TMEFF1: variants seen among roughly 807,000 people sequenced by gnomAD.
The protein encoded by TMEFF1 is transmembrane protein with EGF like and two follistatin like domains 1, also known as tomoregulin-1.
A neutral mutation model predicts 47.5 loss-of-function variants in TMEFF1; 20 were observed. The observed-to-expected ratio is 0.42, with a 90% CI of 0.30 to 0.61. The LOEUF is 0.61. Among genes scored for constraint, TMEFF1 ranks in the 20% least tolerant of loss-of-function variants. The pLI is 0.19. For missense variants in TMEFF1, 411 were observed against 471.1 expected (o/e 0.87, Z 1.18); for synonymous variants, 162 against 166.3 (o/e 0.97, Z 0.20).
intron 6 of TMEFF1, among the ~76,000 whole-genome samples, 158 bp downstream of exon 6, chr9:100,548,050 G>GT (rs970902064): frequency 2.2e-4 from 33 of 151,272 alleles, no homozygotes; most frequent in African/African-American, 4.8e-4. Context: ...TACTAATTTA[G>GT]TTTTTTTTCA....
chr9:100,524,500 A>G (rs1838221050), intron 5 of TMEFF1, among the ~76,000 whole-genome samples: 1 of 152,216 alleles, frequency 6.6e-6, no homozygotes, highest in African/African-American at 2.4e-5. Flanking sequence ...GGACAAAGCC[A>G]TGAGTATTGG....
intron 1 of TMEFF1, among the ~76,000 whole-genome samples, chr9:100,490,381 A>C (rs1416936848): frequency 6.6e-6 from 1 of 152,218 alleles, no homozygotes; most frequent in Non-Finnish European, 1.5e-5. Context: ...ACTTGAAGTC[A>C]ACATTTGCTA....
At chr9:100,540,320 C>T (rs1838604734) in intron 5 of TMEFF1, among the ~76,000 whole-genome samples, 1 of 152,236 alleles carries the variant, frequency 6.6e-6, no homozygotes, top group Non-Finnish European at 1.5e-5. Flanking sequence ...AATCCTTTAG[C>T]TAGACAGAAA....
intron 7 of TMEFF1, among the ~76,000 whole-genome samples, chr9:100,557,415 A>G (rs1015908616): frequency 6.6e-6 from 1 of 152,110 alleles, no homozygotes. Context: ...TGAAGAAAAC[A>G]TGTCTCACCT....
At chr9:100,564,031 A>T (rs962800368) in intron 8 of TMEFF1, among the ~76,000 whole-genome samples, 3 of 152,078 alleles carry the variant, frequency 2.0e-5, no homozygotes, top group African/African-American at 7.2e-5. Context: ...CCACAGTCCT[A>T]TTGTTAGGTT....
chr9:100,540,338 C>G (rs1236212374), intron 5 of TMEFF1, among the ~76,000 whole-genome samples: 1 of 152,238 alleles, frequency 6.6e-6, no homozygotes, highest in African/African-American at 2.4e-5. Flanking sequence ...AAAAGTTCTC[C>G]AAGTCCCCAC....
intron 7 of TMEFF1, among the ~76,000 whole-genome samples, chr9:100,560,424 T>G (rs1838994138): frequency 6.6e-6 from 1 of 152,172 alleles, no homozygotes; most frequent in Non-Finnish European, 1.5e-5. Context: ...TTCCTGCACA[T>G]GGACAGGCCT....
chr9:100,545,755 G>C (rs1260591047), intron 5 of TMEFF1, among the ~76,000 whole-genome samples: 1 of 152,138 alleles, frequency 6.6e-6, no homozygotes, highest in African/African-American at 2.4e-5. Flanking sequence ...TAGCACCCAA[G>C]TCACCTCTTG....
At chr9:100,539,634 C>T (rs1838589036) in intron 5 of TMEFF1, among the ~76,000 whole-genome samples, 1 of 152,120 alleles carries the variant, frequency 6.6e-6, no homozygotes, top group Non-Finnish European at 1.5e-5. Context: ...GTGAGTGTTA[C>T]AGCTCATAAA....
intron 3 of TMEFF1, 147 bp downstream of exon 3, chr9:100,509,281 T>A: frequency 8.3e-7 from 1 of 1,211,722 alleles, no homozygotes; most frequent in Non-Finnish European, 1.1e-6. Context: ...TTTTTTGCCC[T>A]CATTTCAGGT....
intron 1 of TMEFF1, among the ~76,000 whole-genome samples, chr9:100,482,389 G>C (rs925958917): frequency 6.6e-5 from 10 of 151,412 alleles, no homozygotes; most frequent in Admixed American, 6.6e-4. Flanking sequence ...GTAGAGACGG[G>C]TTTTCACCAT....
chr9:100,474,476 G>A (rs1837185805), intron 1 of TMEFF1, among the ~76,000 whole-genome samples: 1 of 152,022 alleles, frequency 6.6e-6, no homozygotes. Flanking sequence ...TGAAGCCTGG[G>A]GCTCAGTTAG....
At chr9:100,549,969 AC>A in intron 6 of TMEFF1, 125 bp from the exon 7 acceptor site, 1 of 1,102,732 alleles carries the variant, frequency 9.1e-7, no homozygotes, top group Non-Finnish European at 1.2e-6. Context: ...AGAATGGTAG[AC>A]AACATGAGCA....
At chr9:100,476,743 C>T (rs1465675675) in intron 1 of TMEFF1, among the ~76,000 whole-genome samples, 1 of 144,472 alleles carries the variant, frequency 6.9e-6, no homozygotes, top group Non-Finnish European at 1.5e-5. Flanking sequence ...GTCACCCAGG[C>T]TGGAGTGCAG....
At chr9:100,493,024 G>T (rs1837584134) in intron 1 of TMEFF1, among the ~76,000 whole-genome samples, 1 of 152,140 alleles carries the variant, frequency 6.6e-6, no homozygotes, top group Non-Finnish European at 1.5e-5. Flanking sequence ...GATGTAAAGT[G>T]TTTGCTTTCC....
In TMEFF1 at chr9:100,564,988, G is replaced by A. The variant is rs191006899; in HGVS notation, c.899+3468G>A. Among the ~76,000 whole-genome samples, 18 of 152,190 alleles carry A rather than the reference G, an allele frequency of 1.2e-4. No homozygotes were observed. In the East Asian group the frequency reaches 3.5e-3, roughly 29 times the overall value. ...AGTCAGGAGAGTCTCCTGGCTTTCTGGCTAACACAGGATTGAGTGGGAAAT... is the reference window on the plus strand; with the variant it reads ...AGTCAGGAGAGTCTCCTGGCTTTCTAGCTAACACAGGATTGAGTGGGAAAT... On this transcript the variant is annotated intron_variant, in intron 8 of 9. Coordinates refer to ENST00000374879, the MANE Select transcript of TMEFF1 (RefSeq NM_003692.5).
chr9:100,508,271 A>C (rs1485096172), intron 2 of TMEFF1, among the ~76,000 whole-genome samples: 1 of 152,072 alleles, frequency 6.6e-6, no homozygotes, highest in Non-Finnish European at 1.5e-5. Flanking sequence ...GATATTTCTA[A>C]CATGTAGATG....
intron 9 of TMEFF1, among the ~76,000 whole-genome samples, chr9:100,575,839 A>G (rs2118591653): frequency 6.6e-6 from 1 of 152,040 alleles, no homozygotes; most frequent in East Asian, 1.9e-4. Context: ...TCTAGTGTGC[A>G]GGCACAAGAG....
intron 5 of TMEFF1, among the ~76,000 whole-genome samples, chr9:100,545,346 T>C (rs960057014): frequency 2.0e-5 from 3 of 152,198 alleles, no homozygotes; most frequent in African/African-American, 7.2e-5. Context: ...ACCTGCAGGC[T>C]TAACACCATG....
Sources: gnomAD v4.1 joint callset for allele counts (sites outside exome capture counted in the v4.1 genomes callset) on GRCh38, gnomAD v4.1.1 for gene constraint, MANE v1.5 for transcripts, NCBI Gene and HGNC (gene_info 2026-07-23, HGNC 2026-07-21) for gene names.